The following CALN1 variants were observed in gnomAD, a reference collection of about 807,000 sequenced individuals.
CALN1 encodes the protein calneuron 1.
Under a neutral mutation model 30.6 loss-of-function variants are expected in CALN1, and 17 were observed. The observed-to-expected ratio is 0.56, with a 90% CI of 0.38 to 0.83. CALN1 has a LOEUF of 0.83. Ranked by LOEUF, CALN1 falls within the 40% of genes least tolerant of loss-of-function variation. The probability of loss-of-function intolerance (pLI) is 0.00; values close to 1 mark genes in which losing one functional copy is unlikely to be tolerated. For missense variants in CALN1, 291 were observed against 354.9 expected, an observed-to-expected ratio of 0.82 and a Z score of 1.45; for synonymous variants, 156 against 131.4, an observed-to-expected ratio of 1.19 and a Z score of -1.28.
intron 5 of CALN1, among the ~76,000 whole-genome samples, chr7:71,835,266 T>C (rs117146698): frequency 1.3e-3 from 196 of 152,328 alleles, no homozygotes; most frequent in Middle Eastern, 3.4e-3. Flanking sequence ...AGATCACTAA[T>C]ATGGCACTTG....
upstream of CALN1, among the ~76,000 whole-genome samples, chr7:72,451,574 A>G (rs962137045): frequency 6.6e-6 from 1 of 152,000 alleles, no homozygotes; most frequent in African/African-American, 2.4e-5. Context: ...CCTCATGTCT[A>G]CCTTGACCTA....
chr7:72,020,879 T>C (rs1800666519), intron 5 of CALN1, among the ~76,000 whole-genome samples: 1 of 151,392 alleles, frequency 6.6e-6, no homozygotes, highest in South Asian at 2.1e-4. Context: ...CATAGCTCCT[T>C]CTCATCCAGA....
At chr7:72,129,160 A>G (rs183254121) in intron 3 of CALN1, among the ~76,000 whole-genome samples, 2 of 152,346 alleles carry the variant, frequency 1.3e-5, no homozygotes, top group East Asian at 3.9e-4. Flanking sequence ...ATGCAAATTA[A>G]AAGTACATTT....
At chr7:72,013,873 T>A (rs1050976725) in intron 5 of CALN1, among the ~76,000 whole-genome samples, 2 of 152,112 alleles carry the variant, frequency 1.3e-5, no homozygotes, top group African/African-American at 2.4e-5. Flanking sequence ...CATCTCTGAC[T>A]GATTTTATAT....
intron 3 of CALN1, among the ~76,000 whole-genome samples, chr7:72,236,974 T>A (rs1453259664): frequency 6.6e-6 from 1 of 151,888 alleles, no homozygotes; most frequent in Non-Finnish European, 1.5e-5. Context: ...GGGAACTTTT[T>A]TTTTTCTATT....
intron 3 of CALN1, among the ~76,000 whole-genome samples, chr7:72,158,627 A>G (rs1787889376): frequency 6.6e-6 from 1 of 152,102 alleles, no homozygotes. Flanking sequence ...TTCCCCGTAA[A>G]GAGTGACATG....
Position 71,787,030 on chromosome 7 carries a change from G to A in CALN1, c.*745C>T, listed in dbSNP as rs989827251. On this transcript the variant is annotated 3_prime_UTR_variant, in exon 7 of 7. Coordinates refer to ENST00000395275, the MANE Select transcript of CALN1 (RefSeq NM_031468.4). Reference sequence around the variant, plus strand: ...TTTTTTCTCTAATGGCAGCACAGGCGGCAAAGCTGGGAGAAAGGCTCTCTG... The same window carrying A: ...TTTTTTCTCTAATGGCAGCACAGGCAGCAAAGCTGGGAGAAAGGCTCTCTG... 5 of 152,676 alleles carry A rather than the reference G, an allele frequency of 3.3e-5. No homozygotes were observed. Among genetic ancestry groups the A allele is most frequent in the East Asian group, 1.9e-4 (1 of 5,192 alleles). 9.5% of individuals were successfully genotyped at this position (152,676 alleles called of 1,614,324 possible).
At chr7:72,070,760 T>C (rs1235596170) in intron 4 of CALN1, among the ~76,000 whole-genome samples, 3 of 145,744 alleles carry the variant, frequency 2.1e-5, no homozygotes, top group African/African-American at 7.8e-5. Flanking sequence ...CTCGTCCCCC[T>C]GTTAGACTTT....
At chr7:72,223,962 C>T (rs570299279) in intron 3 of CALN1, among the ~76,000 whole-genome samples, 1 of 152,178 alleles carries the variant, frequency 6.6e-6, no homozygotes, top group East Asian at 1.9e-4. Context: ...TACACGCAGA[C>T]ATGAAGATGG....
intron 5 of CALN1, among the ~76,000 whole-genome samples, chr7:71,850,694 A>T (rs1260637700): frequency 2.0e-5 from 3 of 152,206 alleles, no homozygotes; most frequent in Non-Finnish European, 4.4e-5. Flanking sequence ...GGAGTTCAAT[A>T]TTTGGCAGGC....
chr7:71,858,239 T>C (rs1791066351), intron 5 of CALN1, among the ~76,000 whole-genome samples: 1 of 152,228 alleles, frequency 6.6e-6, no homozygotes, highest in Non-Finnish European at 1.5e-5. Context: ...CTTCCTGCTG[T>C]CACGTGAAGA....
At chr7:71,848,323 T>G (rs1033547340) in intron 5 of CALN1, among the ~76,000 whole-genome samples, 12 of 152,208 alleles carry the variant, frequency 7.9e-5, no homozygotes, top group Admixed American at 3.3e-4. Flanking sequence ...CACACCCGTA[T>G]TTATACTGAA....
chr7:71,887,522 C>T (rs1792984883), intron 5 of CALN1, among the ~76,000 whole-genome samples: 2 of 151,984 alleles, frequency 1.3e-5, no homozygotes, highest in African/African-American at 4.8e-5. Flanking sequence ...AGTCTTGAAC[C>T]CCCCCACTTC....
intron 3 of CALN1, among the ~76,000 whole-genome samples, chr7:72,189,319 G>A (rs1470366326): frequency 6.6e-6 from 1 of 152,112 alleles, no homozygotes; most frequent in Non-Finnish European, 1.5e-5. Context: ...TTGGAGAGCG[G>A]ACTTTTTTGC....
At chr7:72,240,561 C>T (rs1794761524) in intron 3 of CALN1, among the ~76,000 whole-genome samples, 1 of 152,182 alleles carries the variant, frequency 6.6e-6, no homozygotes, top group South Asian at 2.1e-4. Context: ...ACTGCATGTT[C>T]ATACAAACAT....
chr7:72,423,202 A>T (rs1247861301), intron 1 of CALN1, among the ~76,000 whole-genome samples: 6 of 151,602 alleles, frequency 4.0e-5, no homozygotes, highest in Non-Finnish European at 8.8e-5. Flanking sequence ...GGATGGAATT[A>T]TTCAGAACTT....
At chr7:72,047,922 TTGTC>T (rs1344347089) in intron 4 of CALN1, among the ~76,000 whole-genome samples, 2 of 152,102 alleles carry the variant, frequency 1.3e-5, no homozygotes, top group East Asian at 3.9e-4. Context: ...AAATTGGATA[TTGTC>T]TGGGACAGTG....
chr7:72,238,072 C>T (rs145339321), intron 3 of CALN1, among the ~76,000 whole-genome samples: 15 of 152,256 alleles, frequency 9.9e-5, no homozygotes, highest in Admixed American at 8.5e-4. Context: ...AGAAGACAGC[C>T]GGGTTCACCA....
chr7:72,358,270 T>C (rs1157052996), intron 2 of CALN1, among the ~76,000 whole-genome samples: 1 of 151,956 alleles, frequency 6.6e-6, no homozygotes, highest in African/African-American at 2.4e-5. Flanking sequence ...GCTAGGATTA[T>C]AGGTGTGAGC....
Sources: allele counts gnomAD v4.1 joint callset (sites outside exome capture counted in the v4.1 genomes callset), GRCh38; gene constraint gnomAD v4.1.1; transcripts MANE v1.5; gene names NCBI Gene and HGNC (gene_info 2026-07-23, HGNC 2026-07-21).